Variants in DOCK1 observed in about 807,000 individuals in gnomAD.
DOCK1 encodes the protein dedicator of cytokinesis protein 1.
In DOCK1, 138 loss-of-function variants were observed where a neutral mutation model predicts 262.7. That is an observed-to-expected ratio of 0.53 (90% CI 0.46 to 0.61). The LOEUF is 0.61. Ranked by LOEUF, DOCK1 falls within the 20% of genes least tolerant of loss-of-function variation. The pLI, the probability that DOCK1 is intolerant of heterozygous loss-of-function variation, is 0.00. For synonymous variants in DOCK1, 866 were observed against 867.4 expected (o/e 1.00, Z 0.03); for missense variants, 1,908 against 2,370.7 (o/e 0.80, Z 4.05).
intron 27 of DOCK1, among the ~76,000 whole-genome samples, chr10:127,129,144 C>A (rs544892775): frequency 6.6e-6 from 1 of 152,104 alleles, no homozygotes; most frequent in Non-Finnish European, 1.5e-5. Flanking sequence ...GACTCCGTGT[C>A]GTGTGCGTCA....
chr10:127,318,688 C>T (rs1038914580), intron 29 of DOCK1, among the ~76,000 whole-genome samples: 3 of 152,130 alleles, frequency 2.0e-5, no homozygotes, highest in African/African-American at 4.8e-5. Flanking sequence ...TGGACTTTTG[C>T]GCCAGGACTA....
intron 1 of DOCK1, among the ~76,000 whole-genome samples, chr10:126,925,835 G>A (rs2033671932): frequency 6.6e-6 from 1 of 151,804 alleles, no homozygotes; most frequent in Admixed American, 6.6e-5. Flanking sequence ...TCTCCAGGAT[G>A]GGCTTATGTC....
chr10:127,314,210 T>C (rs1440845652), intron 29 of DOCK1, among the ~76,000 whole-genome samples: 1 of 152,226 alleles, frequency 6.6e-6, no homozygotes, highest in Non-Finnish European at 1.5e-5. Context: ...GGGCAGACCA[T>C]GGAAATGTTT....
intron 38 of DOCK1, among the ~76,000 whole-genome samples, chr10:127,390,655 C>A (rs1195567224): frequency 6.6e-6 from 1 of 152,044 alleles, no homozygotes; most frequent in Non-Finnish European, 1.5e-5. Context: ...ACACTTTGAT[C>A]GCAGAATCCT....
intron 25 of DOCK1, among the ~76,000 whole-genome samples, chr10:127,118,447 T>C (rs2049324759): frequency 6.6e-6 from 1 of 152,224 alleles, no homozygotes; most frequent in Non-Finnish European, 1.5e-5. Context: ...GTTTAATCCT[T>C]AGTTTTCCAG....
At chr10:127,036,043 T>TAAATAAATAAATTAAA (rs1554870785) in intron 18 of DOCK1, among the ~76,000 whole-genome samples, 5 of 147,562 alleles carry the variant, frequency 3.4e-5, no homozygotes, top group African/African-American at 1.0e-4. Flanking sequence ...AATAAATAAA[T>TAAATAAATAAATTAAA]AAAAAAGAGT....
chr10:127,232,869 G>A (rs978798929), intron 27 of DOCK1, among the ~76,000 whole-genome samples: 1 of 152,160 alleles, frequency 6.6e-6, no homozygotes, highest in Non-Finnish European at 1.5e-5. Context: ...AGTCATTATA[G>A]TACTACTTTG....
At chr10:126,986,893 G>T (rs1357165188) in intron 4 of DOCK1, among the ~76,000 whole-genome samples, 1 of 152,162 alleles carries the variant, frequency 6.6e-6, no homozygotes, top group African/African-American at 2.4e-5. Context: ...CTGTGTGACA[G>T]AGCGAGACAC....
intron 27 of DOCK1, among the ~76,000 whole-genome samples, chr10:127,167,647 C>A (rs1170107076): frequency 6.6e-6 from 1 of 152,044 alleles, no homozygotes; most frequent in East Asian, 1.9e-4. Flanking sequence ...CCTTTCATAT[C>A]AAAAAATGTA....
At chr10:126,909,502 G>T (rs1360236726) in intron 1 of DOCK1, among the ~76,000 whole-genome samples, 3 of 152,180 alleles carry the variant, frequency 2.0e-5, no homozygotes, top group Non-Finnish European at 4.4e-5. Flanking sequence ...AGCTTGCAGG[G>T]TGAGGCTCTC....
At chr10:127,397,609 G>A (rs899259290) in intron 38 of DOCK1, among the ~76,000 whole-genome samples, 4 of 151,320 alleles carry the variant, frequency 2.6e-5, no homozygotes, top group Non-Finnish European at 4.4e-5. Context: ...CACGGGCAGC[G>A]TCTCCTATGT....
At chr10:126,948,554 G>T (rs933663402) in intron 1 of DOCK1, among the ~76,000 whole-genome samples, 32 of 151,966 alleles carry the variant, frequency 2.1e-4, no homozygotes, top group African/African-American at 7.2e-4. Context: ...TTTTTACGTG[G>T]GGTGGGGTCG....
At chr10:127,358,990 TCTC>T in intron 32 of DOCK1, among the ~76,000 whole-genome samples, 1 of 152,172 alleles carries the variant, frequency 6.6e-6, no homozygotes, top group East Asian at 1.9e-4. Context: ...AGTAAAATAT[TCTC>T]CTCGTCACCT....
intron 27 of DOCK1, among the ~76,000 whole-genome samples, chr10:127,189,657 T>C (rs1204280486): frequency 6.6e-6 from 1 of 152,202 alleles, no homozygotes. Flanking sequence ...AATGCAGTTA[T>C]CATTGGGCAA....
intron 27 of DOCK1, among the ~76,000 whole-genome samples, chr10:127,226,750 A>AAAACAAACAAAC (rs147379947): frequency 8.6e-5 from 13 of 151,630 alleles, no homozygotes; most frequent in Non-Finnish European, 1.6e-4. Context: ...TCTCAGAATG[A>AAAACAAACAAAC]AAACAAACAA....
rs980907689 is a variant in DOCK1 at position 127,110,119 on chromosome 10, A to G, written c.2517-129A>G. On this transcript the variant is annotated intron_variant, in intron 24 of 51. Coordinates refer to ENST00000623213, the MANE Select transcript of DOCK1 (RefSeq NM_001290223.2). ...GAATGAGTTATTGACCCCATAGTGC[A>G]TGAGAGGCTGTGTTGAACATACTGG... is the stretch of plus-strand genomic sequence containing the variant. 4 of 732,678 alleles carry G rather than the reference A, an allele frequency of 5.5e-6. No homozygotes were observed. In the Admixed American group the frequency reaches 6.4e-5, roughly 12 times the overall value. 45.4% of individuals were successfully genotyped at this position (732,678 alleles called of 1,614,324 possible).
rs114772242 is a variant in DOCK1, at chr10:127,003,501, T to C, written c.985+3194T>C. Among the ~76,000 whole-genome samples the C allele has an allele frequency of 4.2e-3, 633 of 152,324 alleles. 1 individual carries two copies. Among genetic ancestry groups the C allele is most frequent in the African/African-American group, 0.015 (609 of 41,584 alleles). On this transcript the variant is annotated intron_variant, in intron 10 of 51. Transcript: ENST00000623213. ...TCTCTGTCCCTTCTGGTGTCACAGT[T>C]GCCTAGCAGTTGCTGGTTTGCCTGG...
chr10:127,407,539 A>G (rs2067588140), intron 40 of DOCK1, among the ~76,000 whole-genome samples: 1 of 152,240 alleles, frequency 6.6e-6, no homozygotes, highest in East Asian at 1.9e-4. Context: ...CAATTGATTC[A>G]GTGTCATAGA....
intron 1 of DOCK1, among the ~76,000 whole-genome samples, chr10:126,913,435 G>A (rs1306720513): frequency 6.6e-6 from 1 of 152,190 alleles, no homozygotes; most frequent in African/African-American, 2.4e-5. Flanking sequence ...ACTCCAGGGG[G>A]CACTGTTCTT....
Sources: allele counts gnomAD v4.1 joint callset (sites outside exome capture counted in the v4.1 genomes callset), GRCh38; gene constraint gnomAD v4.1.1; transcripts MANE v1.5; gene names NCBI Gene and HGNC (gene_info 2026-07-23, HGNC 2026-07-21).